CACNA1C: variants seen among roughly 807,000 people sequenced by gnomAD.
The protein encoded by CACNA1C is voltage-dependent L-type calcium channel subunit alpha-1C.
CACNA1C carries 30 observed loss-of-function variants against 229.0 expected under a neutral mutation model. The observed-to-expected ratio is 0.13, with a 90% CI of 0.10 to 0.18. CACNA1C has a LOEUF of 0.18. CACNA1C is among the 10% of genes least tolerant of loss of function. CACNA1C has a pLI of 1.00. For missense variants in CACNA1C, 1,658 were observed against 2,845.0 expected, an observed-to-expected ratio of 0.58 and a Z score of 9.49; for synonymous variants, 1,114 against 1,132.5, an observed-to-expected ratio of 0.98 and a Z score of 0.33.
intron 1 of CACNA1C, among the ~76,000 whole-genome samples, chr12:1,988,370 C>T (rs993267364): frequency 5.3e-5 from 8 of 152,172 alleles, no homozygotes; most frequent in African/African-American, 1.9e-4. Context: ...AGAAGTGATA[C>T]ATATCACTTT....
At chr12:2,013,683 T>G (rs1445376412) in intron 1 of CACNA1C, among the ~76,000 whole-genome samples, 1 of 152,156 alleles carries the variant, frequency 6.6e-6, no homozygotes, top group African/African-American at 2.4e-5. Context: ...CAGAGGGCAG[T>G]GGTACCAGCC....
At chr12:2,038,085 A>G (rs1173766287) in intron 1 of CACNA1C, among the ~76,000 whole-genome samples, 7 of 152,284 alleles carry the variant, frequency 4.6e-5, no homozygotes, top group Non-Finnish European at 4.4e-5. Context: ...GCACCCAGAC[A>G]AAACCCTACT....
At chr12:2,449,839 C>T (rs998761741) in intron 4 of CACNA1C, among the ~76,000 whole-genome samples, 3 of 152,198 alleles carry the variant, frequency 2.0e-5, no homozygotes, top group South Asian at 4.1e-4. Context: ...TGGGGCAGCT[C>T]GTCCGTGAGC....
At chr12:2,536,414 G>A (rs1018034247) in intron 9 of CACNA1C, among the ~76,000 whole-genome samples, 12 of 152,126 alleles carry the variant, frequency 7.9e-5, no homozygotes, top group Non-Finnish European at 1.5e-4. Flanking sequence ...TGCATCAATG[G>A]TGAGTGAGAA....
chr12:2,302,766 A>G (rs1451703360), intron 3 of CACNA1C, among the ~76,000 whole-genome samples: 2 of 152,246 alleles, frequency 1.3e-5, no homozygotes, highest in South Asian at 2.1e-4. Flanking sequence ...CATTCAGTAT[A>G]TATAAACTAT....
intron 8 of CACNA1C, among the ~76,000 whole-genome samples, chr12:2,507,657 C>T (rs2099774703): frequency 2.0e-5 from 3 of 152,208 alleles, no homozygotes; most frequent in Non-Finnish European, 2.9e-5. Flanking sequence ...CCGTGCTCGG[C>T]GTGTTCGCTA....
At chr12:2,336,499 G>T (rs1283337969) in intron 3 of CACNA1C, among the ~76,000 whole-genome samples, 3 of 152,154 alleles carry the variant, frequency 2.0e-5, no homozygotes, top group Admixed American at 6.5e-5. Flanking sequence ...GAGTCAGAAG[G>T]TCTGGCTGCC....
intron 5 of CACNA1C, among the ~76,000 whole-genome samples, chr12:2,463,117 G>A (rs1163628297): frequency 6.6e-6 from 1 of 151,926 alleles, no homozygotes; most frequent in Admixed American, 6.6e-5. Context: ...TCACCGGTTA[G>A]CCAGGATGGT....
chr12:2,490,989 A>G (rs1390915477), intron 6 of CACNA1C, among the ~76,000 whole-genome samples: 2 of 152,266 alleles, frequency 1.3e-5, no homozygotes, highest in Admixed American at 6.5e-5. Context: ...GAAATAATCC[A>G]GACGTCCATC....
intron 3 of CACNA1C, among the ~76,000 whole-genome samples, chr12:2,240,287 G>T (rs1221915918): frequency 6.6e-6 from 1 of 152,198 alleles, no homozygotes; most frequent in African/African-American, 2.4e-5. Context: ...AAAGGTGGAT[G>T]CTGGTTGCAG....
At chr12:2,207,679 TGG>T (rs1166811551) in intron 3 of CACNA1C, among the ~76,000 whole-genome samples, 1 of 152,030 alleles carries the variant, frequency 6.6e-6, no homozygotes, top group Non-Finnish European at 1.5e-5. Context: ...TCAGGTGTGG[TGG>T]TGTGCACCTG....
rs1321492253 is a variant in CACNA1C, at chr12:2,285,533, G to A, written c.478-163443G>A. On this transcript the variant is annotated intron_variant, in intron 3 of 46. Coordinates refer to ENST00000399655, the MANE Select transcript of CACNA1C (RefSeq NM_000719.7). This position sits in a 1 kb window ranked among gnomAD's most constrained non-coding sequence, Gnocchi z 4.2. Reference sequence around the variant, plus strand: ...GGAGCTTTTGGAACTTAGGAGCTCTGTTCTTAAACTCTCCTTAAACACCTC... The same window carrying A: ...GGAGCTTTTGGAACTTAGGAGCTCTATTCTTAAACTCTCCTTAAACACCTC... 6.6e-6 allele frequency among the ~76,000 whole-genome samples: 1 copy of A among 152,096 alleles called. No homozygotes were observed. Among genetic ancestry groups the A allele is most frequent in the African/African-American group, 2.4e-5 (1 of 41,420 alleles).
At chr12:2,106,464 C>A (rs1216684804) in intron 1 of CACNA1C, among the ~76,000 whole-genome samples, 1 of 102,174 alleles carries the variant, frequency 9.8e-6, no homozygotes, top group Non-Finnish European at 2.1e-5. Context: ...GCTGGGGTGT[C>A]CTGAAGCCAC....
Position 2,633,918 on chromosome 12 carries a change from A to G in CACNA1C, c.3829-379A>G, listed in dbSNP as rs754504805. Reference sequence around the variant, plus strand: ...TGGGAGCTTCTCCTCCTTTTTTTCCATTTACCTCAGCTCTGCCCGGCGCTG... The same window carrying G: ...TGGGAGCTTCTCCTCCTTTTTTTCCGTTTACCTCAGCTCTGCCCGGCGCTG... On this transcript the variant is annotated intron_variant, in intron 29 of 46. Coordinates refer to ENST00000399655, the MANE Select transcript of CACNA1C (RefSeq NM_000719.7). The surrounding 1 kb of genome is among the most constrained non-coding windows in gnomAD (Gnocchi z 5.8). Among the ~76,000 whole-genome samples, 2 of 151,714 alleles carry G rather than the reference A, an allele frequency of 1.3e-5. No individual in the cohort carries two copies. The highest frequency in any genetic ancestry group is 2.9e-5 in the Non-Finnish European group (2 of 67,952).
chr12:2,219,184 T>C (rs1358401346), intron 3 of CACNA1C, among the ~76,000 whole-genome samples: 1 of 152,254 alleles, frequency 6.6e-6, no homozygotes, highest in African/African-American at 2.4e-5. Flanking sequence ...TCTCTCCCTT[T>C]GTGGAGCTCT....
chr12:2,017,644 A>T (rs2045617612), intron 1 of CACNA1C, among the ~76,000 whole-genome samples: 1 of 146,304 alleles, frequency 6.8e-6, no homozygotes, highest in African/African-American at 2.6e-5. Flanking sequence ...GGTTTCAGTC[A>T]ATGTATCTTT....
chr12:2,284,546 G>A (rs1356873572), intron 3 of CACNA1C, among the ~76,000 whole-genome samples: 6 of 152,218 alleles, frequency 3.9e-5, no homozygotes, highest in African/African-American at 1.4e-4. Context: ...TCTTTAGGGA[G>A]AGAGCTCACT....
intron 3 of CACNA1C, among the ~76,000 whole-genome samples, chr12:2,223,054 T>C (rs1014137778): frequency 6.6e-6 from 1 of 152,134 alleles, no homozygotes; most frequent in African/African-American, 2.4e-5. Flanking sequence ...CGCACATAAA[T>C]GCTGATGAAC....
At chr12:2,413,898 A>T (rs1595635913) in intron 3 of CACNA1C, among the ~76,000 whole-genome samples, 1 of 152,242 alleles carries the variant, frequency 6.6e-6, no homozygotes, top group East Asian at 1.9e-4. Flanking sequence ...GTTAGGGAAC[A>T]GGAGTTTTCC....
Sources: allele counts gnomAD v4.1 joint callset (sites outside exome capture counted in the v4.1 genomes callset), GRCh38; gene constraint gnomAD v4.1.1; non-coding constraint Gnocchi (gnomAD v3.1); transcripts MANE v1.5; gene names NCBI Gene and HGNC (gene_info 2026-07-23, HGNC 2026-07-21).